RFLNA: variants seen among roughly 807,000 people sequenced by gnomAD.
RFLNA encodes the protein refilin-A.
A neutral mutation model predicts 7.8 loss-of-function variants in RFLNA; 5 were observed. The observed-to-expected ratio is 0.64, with a 90% CI of 0.34 to 1.35. The LOEUF (loss-of-function observed/expected upper bound fraction) is 1.35, where lower values mean the gene tolerates loss of function less well. Among genes scored for constraint, RFLNA ranks in the 40% most tolerant of loss-of-function variants. RFLNA has a pLI of 0.04. For synonymous variants in RFLNA, 141 were observed against 131.3 expected, an observed-to-expected ratio of 1.07 and a Z score of -0.50; for missense variants, 278 against 305.5, an observed-to-expected ratio of 0.91 and a Z score of 0.67.
At chr12:124,304,689 G>A (rs887470456) in intron 1 of RFLNA, among the ~76,000 whole-genome samples, 2 of 152,224 alleles carry the variant, frequency 1.3e-5, no homozygotes, top group African/African-American at 2.4e-5. Flanking sequence ...TCCTGGCAGC[G>A]CGTGGGTGGG....
At chr12:124,298,446 C>A (rs975740167) in intron 1 of RFLNA, among the ~76,000 whole-genome samples, 3 of 152,198 alleles carry the variant, frequency 2.0e-5, no homozygotes, top group African/African-American at 4.8e-5. Flanking sequence ...AACCCCCTCC[C>A]CACTCACCAT....
Position 124,295,732 on chromosome 12 carries a change from CCT to C in RFLNA, c.207+98_207+99del, listed in dbSNP as rs148550053. ...CGCGCCACTGCAGCAGCAGGACGTG[CCT>C]CCTCCTCTACCTGCCCCGCAACCAC... On this transcript the variant is annotated intron_variant, in intron 1 of 2. Coordinates refer to ENST00000546355, the MANE Select transcript of RFLNA (RefSeq NM_001365156.1). 17,485 of 1,152,546 alleles carry C rather than the reference CCT, an allele frequency of 0.015. 1,323 individuals carry two copies. In the African/African-American group the frequency reaches 0.2, roughly 13 times the overall value. The allele number at this position is 1,152,546 out of a possible 1,614,324, so 71.4% of individuals were successfully genotyped here.
In RFLNA at chr12:124,295,425, C is replaced by T; in HGVS notation, c.-5C>T. 1 of 1,233,294 alleles carries T rather than the reference C, an allele frequency of 8.1e-7. No homozygotes were observed. The highest frequency in any genetic ancestry group is 3.1e-4 in the Middle Eastern group (1 of 3,220). 76.4% of individuals were successfully genotyped at this position (1,233,294 alleles called of 1,614,324 possible). A position where few individuals can be genotyped will look rare whatever the true frequency, so the allele number is the denominator to read the frequency against. Reference sequence around the variant, plus strand: ...CGGGGGGCCCGCGCCCCGCGCCCCCCAGACATGGTGGGCCACCTGCATCTG... The same window carrying T: ...CGGGGGGCCCGCGCCCCGCGCCCCCTAGACATGGTGGGCCACCTGCATCTG... On this transcript the variant is annotated 5_prime_UTR_variant, in exon 1 of 3. Coordinates refer to ENST00000546355, the MANE Select transcript of RFLNA (RefSeq NM_001365156.1).
intron 1 of RFLNA, among the ~76,000 whole-genome samples, chr12:124,310,048 C>G (rs564990503): frequency 4.0e-5 from 6 of 151,798 alleles, no homozygotes; most frequent in African/African-American, 1.2e-4. Context: ...TGGCATGCAC[C>G]TGTAGTGCCA....
At chr12:124,311,078 AC>A (rs1378029104) in intron 1 of RFLNA, among the ~76,000 whole-genome samples, 1 of 150,746 alleles carries the variant, frequency 6.6e-6, no homozygotes, top group South Asian at 2.1e-4. Flanking sequence ...CTGGTTTCCA[AC>A]CCCCCTACAT....
Position 124,314,304 on chromosome 12 carries a change from T to A in RFLNA, c.430T>A (p.Cys144Ser). 1 of 1,613,476 alleles carries A rather than the reference T, an allele frequency of 6.2e-7. No homozygotes were observed. The highest frequency in any genetic ancestry group is 1.6e-4 in the Middle Eastern group (1 of 6,062). Residue 144 changes from cysteine (C) to serine (S), a missense_variant, in exon 3 of 3, where the codon TGC becomes AGC. Physicochemically the swap from Cys to Ser is moderately radical, Grantham distance 112. Coordinates refer to ENST00000546355, the MANE Select transcript of RFLNA (RefSeq NM_001365156.1). ...YSETIVAAPN[C>S]TWRNYRSQLT... is the part of the protein sequence containing the mutation. ...CGAGACCATCGTGGCAGCACCCAAC[T>A]GCACGTGGCGCAACTACCGCAGCCA...
At position 124,298,441 on chromosome 12, in the gene RFLNA, C is replaced by T. The variant is rs535083266; in HGVS notation, c.207+2805C>T. Reference sequence around the variant, plus strand: ...GGCCAGGCTGGATATGAATGAACCCCCTCCCCACTCACCATGGGCTTTTTG... The same window carrying T: ...GGCCAGGCTGGATATGAATGAACCCTCTCCCCACTCACCATGGGCTTTTTG... On this transcript the variant is annotated intron_variant, in intron 1 of 2. Coordinates refer to ENST00000546355, the MANE Select transcript of RFLNA (RefSeq NM_001365156.1). 1.5e-4 allele frequency among the ~76,000 whole-genome samples: 23 copies of T among 152,292 alleles called. No homozygotes were observed. In the East Asian group the frequency reaches 3.9e-3, roughly 26 times the overall value.
At chr12:124,297,418 G>C (rs957575103) in intron 1 of RFLNA, among the ~76,000 whole-genome samples, 3 of 152,134 alleles carry the variant, frequency 2.0e-5, no homozygotes, top group African/African-American at 7.2e-5. Flanking sequence ...TTGGCATTTA[G>C]ATAGCTCATA....
rs2033790272 is a variant in RFLNA, at chr12:124,289,812, A to AC, written c.-37+444dup. ...AAAAGTCCCTCGGGTGAGACAGGCC[A>AC]CCGGGGAACATGCGACTCCCCGGGG... On this transcript the variant is annotated intron_variant, in intron 1 of 2. Transcript: ENST00000324038. The surrounding 1 kb of genome is among the most constrained non-coding windows in gnomAD (Gnocchi z 5.0). Among the ~76,000 whole-genome samples, 16 of 152,294 alleles carry AC rather than the reference A, an allele frequency of 1.1e-4. No homozygotes were observed. The highest frequency in any genetic ancestry group is 3.4e-3 in the Middle Eastern group (1 of 294).
chr12:124,294,662 G>A (rs904131688), upstream of RFLNA, among the ~76,000 whole-genome samples: 3 of 152,220 alleles, frequency 2.0e-5, no homozygotes, highest in Non-Finnish European at 4.4e-5. Context: ...AGCTGGCCCT[G>A]GGTGTGCGGG....
At chr12:124,304,323 G>C (rs577334369) in intron 1 of RFLNA, among the ~76,000 whole-genome samples, 1 of 152,354 alleles carries the variant, frequency 6.6e-6, no homozygotes, top group African/African-American at 2.4e-5. Flanking sequence ...AGCCTATATC[G>C]GTCTGGGCTT....
At chr12:124,304,051 C>T (rs961729826) in intron 1 of RFLNA, among the ~76,000 whole-genome samples, 2 of 152,246 alleles carry the variant, frequency 1.3e-5, no homozygotes, top group Non-Finnish European at 2.9e-5. Flanking sequence ...GAAAGTCGGA[C>T]TTCAGGGCCG....
chr12:124,302,852 A>AG lies in RFLNA; in HGVS notation c.207+7220dup, dbSNP rs1296165806. Among the ~76,000 whole-genome samples the AG allele has an allele frequency of 1.1e-3, 151 of 135,188 alleles. 4 individuals are homozygous for AG. Among genetic ancestry groups the AG allele is most frequent in the Non-Finnish European group, 1.6e-3 (96 of 58,352 alleles). 88.7% of individuals were successfully genotyped at this position (135,188 alleles called of 152,430 possible). The stretch of plus-strand genomic sequence containing the variant: ...GGGCCGAGGTCAGAGGGCCGAGGTC[A>AG]GGGGCCGAGGTCAGGGGCCGAGGTC... On this transcript the variant is annotated intron_variant, in intron 1 of 2. Coordinates refer to ENST00000546355, the MANE Select transcript of RFLNA (RefSeq NM_001365156.1).
At chr12:124,311,972 T>C (rs564165153) in intron 2 of RFLNA, 45 bp downstream of exon 2, 13 of 974,306 alleles carry the variant, frequency 1.3e-5, no homozygotes, top group African/African-American at 1.2e-4. Flanking sequence ...GGGTGGGGGG[T>C]TGGGTGCTGG....
intron 1 of RFLNA, among the ~76,000 whole-genome samples, chr12:124,308,457 CTGCCCTTGTCCTTGGAAAG>C (rs2034176728): frequency 1.3e-5 from 2 of 151,138 alleles, no homozygotes; most frequent in Admixed American, 1.3e-4. Context: ...TCTACCCACA[CTGCCCTTGTCCTTGGAAAG>C]CCACCTCTGG....
intron 1 of RFLNA, among the ~76,000 whole-genome samples, chr12:124,296,108 CTT>C (rs1326129228): frequency 5.6e-4 from 2 of 3,576 alleles, no homozygotes; most frequent in Non-Finnish European, 0.017. Context: ...TTCTTTCTTT[CTT>C]TCTTTCTTTC....
chr12:124,295,521 C>A lies in RFLNA; in HGVS notation c.92C>A (p.Pro31His). The A allele has an allele frequency of 7.9e-7, 1 of 1,269,400 alleles. No individual in the cohort carries two copies. The highest frequency in any genetic ancestry group is 2.9e-5 in the South Asian group (1 of 35,074). The allele number at this position is 1,269,400 out of a possible 1,614,324, so 78.6% of individuals were successfully genotyped here. A position where few individuals can be genotyped will look rare whatever the true frequency, so the allele number is the denominator to read the frequency against. ...CTGGACAGCCCCGACTCCGGGCTGC[C>A]CCCCAGCCCCAGCCCCAGCCCGCCC... ...GLLDSPDSGLPPSPSPSPPFY... is the reference protein window; with the variant it reads ...GLLDSPDSGLHPSPSPSPPFY... Residue 31 changes from proline (P) to histidine (H), a missense_variant, in exon 1 of 3, where the codon CCC becomes CAC. Physicochemically the swap from Pro to His is moderately conservative, Grantham distance 77. Coordinates refer to ENST00000546355, the MANE Select transcript of RFLNA (RefSeq NM_001365156.1).
chr12:124,306,163 C>T lies in RFLNA; in HGVS notation c.208-5655C>T, dbSNP rs982168326. On this transcript the variant is annotated intron_variant, in intron 1 of 2. Transcript: ENST00000546355. The surrounding 1 kb of genome is among the most constrained non-coding windows in gnomAD (Gnocchi z 5.2). ...GTCTCCCCTCCCCATAGTGCAGGGG[C>T]GGAGAGGTGCCAGGTCCTGGGCTTA... Among the ~76,000 whole-genome samples the T allele has an allele frequency of 5.3e-5, 8 of 151,738 alleles. No homozygotes were observed. Among genetic ancestry groups the T allele is most frequent in the South Asian group, 4.2e-4 (2 of 4,788 alleles).
intron 2 of RFLNA, among the ~76,000 whole-genome samples, chr12:124,313,089 A>C (rs1380300541): frequency 6.6e-6 from 1 of 152,148 alleles, no homozygotes; most frequent in Admixed American, 6.5e-5. Flanking sequence ...CAATCCCCAA[A>C]CAGCCTTCAT....
Sources: allele counts gnomAD v4.1 joint callset (sites outside exome capture counted in the v4.1 genomes callset), GRCh38; gene constraint gnomAD v4.1.1; non-coding constraint Gnocchi (gnomAD v3.1); transcripts MANE v1.5; gene names NCBI Gene and HGNC (gene_info 2026-07-23, HGNC 2026-07-21).